Variants in DGKB observed in about 807,000 individuals in gnomAD.
DGKB encodes the protein 90 kDa diacylglycerol kinase.
In DGKB, 67 loss-of-function variants were observed where a neutral mutation model predicts 114.3. That is an observed-to-expected ratio of 0.59 (90% CI 0.48 to 0.72). The LOEUF (loss-of-function observed/expected upper bound fraction) is 0.72, where lower values mean the gene tolerates loss of function less well. Among genes scored for constraint, DGKB ranks in the 30% least tolerant of loss-of-function variants. The pLI, the probability that DGKB is intolerant of heterozygous loss-of-function variation, is 0.00. For synonymous variants in DGKB, 398 were observed against 323.1 expected (o/e 1.23, Z -2.49); for missense variants, 907 against 975.2 (o/e 0.93, Z 0.93).
At chr7:14,853,795 G>C (rs1010088120) in intron 1 of DGKB, among the ~76,000 whole-genome samples, 1 of 145,996 alleles carries the variant, frequency 6.8e-6, no homozygotes, top group Non-Finnish European at 1.5e-5. Flanking sequence ...GTGAACCCAC[G>C]AGGCGGAGCT....
At chr7:14,358,690 C>G (rs1016784151) in intron 21 of DGKB, among the ~76,000 whole-genome samples, 1 of 152,072 alleles carries the variant, frequency 6.6e-6, no homozygotes, top group African/African-American at 2.4e-5. Context: ...CATGAGTGAA[C>G]TCCCATTAAC....
intron 21 of DGKB, among the ~76,000 whole-genome samples, chr7:14,467,100 T>C (rs1216799367): frequency 6.6e-6 from 1 of 151,720 alleles, no homozygotes; most frequent in Non-Finnish European, 1.5e-5. Context: ...ACCATATTTA[T>C]GCTTAATGAG....
At chr7:14,486,126 C>T (rs1243231827) in intron 20 of DGKB, among the ~76,000 whole-genome samples, 1 of 152,004 alleles carries the variant, frequency 6.6e-6, no homozygotes, top group Non-Finnish European at 1.5e-5. Context: ...GATTATGTTG[C>T]AGAGGGCAGT....
chr7:14,231,539 A>T (rs922967888), intron 23 of DGKB, among the ~76,000 whole-genome samples: 2 of 151,944 alleles, frequency 1.3e-5, no homozygotes, highest in African/African-American at 4.8e-5. Flanking sequence ...GCAGGAAAAT[A>T]ATTTCCATAT....
At chr7:14,454,217 T>C (rs1831948047) in intron 21 of DGKB, among the ~76,000 whole-genome samples, 1 of 152,160 alleles carries the variant, frequency 6.6e-6, no homozygotes, top group South Asian at 2.1e-4. Context: ...TTTCCTACTG[T>C]AGTATTGAAT....
At chr7:14,312,008 T>C (rs1301708373) in intron 23 of DGKB, among the ~76,000 whole-genome samples, 1 of 83,702 alleles carries the variant, frequency 1.2e-5, no homozygotes, top group Non-Finnish European at 3.2e-5. Flanking sequence ...GCACCAGCTA[T>C]GTTATTTTTT....
intron 21 of DGKB, among the ~76,000 whole-genome samples, chr7:14,410,598 T>C (rs1223691785): frequency 1.3e-5 from 2 of 152,138 alleles, no homozygotes; most frequent in Non-Finnish European, 2.9e-5. Context: ...ACTGAATAAA[T>C]CTGGCTACAT....
intron 1 of DGKB, among the ~76,000 whole-genome samples, chr7:14,945,882 G>C (rs1212162903): frequency 6.6e-6 from 1 of 151,382 alleles, no homozygotes; most frequent in African/African-American, 2.4e-5. Context: ...TTTATTTATA[G>C]TAGACAAGTC....
chr7:14,399,211 T>C (rs1454089859), intron 21 of DGKB, among the ~76,000 whole-genome samples: 1 of 151,598 alleles, frequency 6.6e-6, no homozygotes, highest in Non-Finnish European at 1.5e-5. Flanking sequence ...ATTGAGAATA[T>C]ATCAAAAATA....
At chr7:14,536,540 T>C (rs1186751017) in intron 20 of DGKB, among the ~76,000 whole-genome samples, 4 of 152,108 alleles carry the variant, frequency 2.6e-5, no homozygotes, top group African/African-American at 9.7e-5. Flanking sequence ...TACATGACCT[T>C]AGCAAACAAA....
At chr7:14,971,276 A>G (rs907134167) in intron 1 of DGKB, among the ~76,000 whole-genome samples, 4 of 152,152 alleles carry the variant, frequency 2.6e-5, no homozygotes, top group African/African-American at 9.7e-5. Flanking sequence ...AATAGTCATA[A>G]ATAAATATAT....
At chr7:14,253,404 A>T (rs1251577891) in intron 23 of DGKB, among the ~76,000 whole-genome samples, 17 of 152,120 alleles carry the variant, frequency 1.1e-4, no homozygotes, top group Admixed American at 1.1e-3. Flanking sequence ...TCACTTGAGG[A>T]GTCCCCTGAT....
At chr7:14,711,946 A>G (rs1443358838) in intron 6 of DGKB, among the ~76,000 whole-genome samples, 1 of 152,324 alleles carries the variant, frequency 6.6e-6, no homozygotes, top group South Asian at 2.1e-4. Context: ...TACCATCCGT[A>G]TGGATACTCA....
chr7:14,765,671 G>C (rs1026133765), intron 2 of DGKB, among the ~76,000 whole-genome samples: 1 of 151,772 alleles, frequency 6.6e-6, no homozygotes, highest in Non-Finnish European at 1.5e-5. Flanking sequence ...CAGACACTAG[G>C]AACCTATGAA....
intron 9 of DGKB, among the ~76,000 whole-genome samples, chr7:14,691,060 C>T (rs1390226234): frequency 6.6e-6 from 1 of 152,084 alleles, no homozygotes; most frequent in Non-Finnish European, 1.5e-5. Flanking sequence ...AATCTGGTCC[C>T]CATCAACTCC....
chr7:14,631,812 A>G (rs1311525190), intron 13 of DGKB, among the ~76,000 whole-genome samples: 6 of 152,022 alleles, frequency 3.9e-5, no homozygotes, highest in Non-Finnish European at 8.8e-5. Context: ...ATTGCAAGAC[A>G]TGGATATAGT....
chr7:14,255,057 A>G (rs370683465), intron 23 of DGKB, among the ~76,000 whole-genome samples: 2 of 152,196 alleles, frequency 1.3e-5, no homozygotes, highest in East Asian at 3.9e-4. Flanking sequence ...AAAATTTTAA[A>G]GTAAATAATA....
intron 1 of DGKB, among the ~76,000 whole-genome samples, chr7:14,953,827 G>C (rs1365045031): frequency 6.6e-6 from 1 of 152,090 alleles, no homozygotes; most frequent in African/African-American, 2.4e-5. Context: ...TCCTCCCCCA[G>C]TTGACTCTAC....
chr7:14,239,487 A>T (rs1478670243), intron 23 of DGKB, among the ~76,000 whole-genome samples: 3 of 152,078 alleles, frequency 2.0e-5, no homozygotes, highest in African/African-American at 4.8e-5. Context: ...AGTTTCAAGC[A>T]ATGAAGTCAT....
Sources: allele counts gnomAD v4.1 joint callset (sites outside exome capture counted in the v4.1 genomes callset), GRCh38; gene constraint gnomAD v4.1.1; transcripts MANE v1.5; gene names NCBI Gene and HGNC (gene_info 2026-07-23, HGNC 2026-07-21).